Variants in WIPF3 observed in about 807,000 individuals in gnomAD.
WIPF3 encodes the protein WAS/WASL interacting protein family member 3.
In WIPF3, 33 loss-of-function variants were observed where a neutral mutation model predicts 38.9. That is an observed-to-expected ratio of 0.85 (90% CI 0.64 to 1.14). The LOEUF is 1.14. Ranked by LOEUF, WIPF3 falls within the 50% of genes most tolerant of loss-of-function variation. The pLI is 0.00. For synonymous variants in WIPF3, 324 were observed against 269.3 expected, an observed-to-expected ratio of 1.20 and a Z score of -1.99; for missense variants, 711 against 652.5, an observed-to-expected ratio of 1.09 and a Z score of -0.98.
intron 2 of WIPF3, among the ~76,000 whole-genome samples, chr7:29,875,495 A>G (rs1785571764): frequency 1.3e-5 from 2 of 152,134 alleles, no homozygotes. Flanking sequence ...ACCTGAGAGC[A>G]GGGGCCAGGT....
intron 2 of WIPF3, among the ~76,000 whole-genome samples, chr7:29,856,466 A>G (rs1463923778): frequency 6.6e-6 from 1 of 152,024 alleles, no homozygotes. Flanking sequence ...CATCTCTACA[A>G]AAAATAAAAA....
chr7:29,893,927 A>G (rs1786078969), intron 7 of WIPF3, among the ~76,000 whole-genome samples: 1 of 152,206 alleles, frequency 6.6e-6, no homozygotes, highest in African/African-American at 2.4e-5. Flanking sequence ...CAGAGAATAC[A>G]TATTTGAAGT....
At chr7:29,904,242 G>A (rs372557130) in intron 7 of WIPF3, 44 bp from the exon 8 acceptor site, 2 of 1,592,994 alleles carry the variant, frequency 1.3e-6, no homozygotes, top group Non-Finnish European at 1.7e-6. Context: ...TGCACACCCG[G>A]TCCCTGGGCC....
At chr7:29,857,673 G>C (rs1785207607) in intron 2 of WIPF3, among the ~76,000 whole-genome samples, 1 of 152,064 alleles carries the variant, frequency 6.6e-6, no homozygotes, top group South Asian at 2.1e-4. Flanking sequence ...CTTCTCCCAG[G>C]GATGTTGATG....
chr7:29,884,361 T>TCCCCCCCCCCC lies in WIPF3; in HGVS notation c.870_871insCCCCCCCCCCC (p.Ala291ProfsTer87). On this transcript the variant is annotated frameshift_variant, in exon 5 of 9. Coordinates refer to ENST00000242140, the MANE Select transcript of WIPF3 (RefSeq NM_001080529.3). LOFTEE classifies it high-confidence loss of function. ...GCCCTGCGCAAGATGCGCAGGAGCCTCCCGCCCCGCCGCCCCCGCTCCCCC... is the reference window on the plus strand; with the variant it reads ...GCCCTGCGCAAGATGCGCAGGAGCCTCCCCCCCCCCCCCCGCCCCGCCGCCCCCGCTCCCCC... The TCCCCCCCCCCC allele has an allele frequency of 1.2e-5, 16 of 1,317,838 alleles. No individual in the cohort carries two copies. The highest frequency in any genetic ancestry group is 2.8e-5 in the South Asian group (2 of 72,380). The allele number at this position is 1,317,838 out of a possible 1,614,324, so 81.6% of individuals were successfully genotyped here. A position where few individuals can be genotyped will look rare whatever the true frequency, so the allele number is the denominator to read the frequency against.
chr7:29,810,329 A>T (rs925822471), intron 1 of WIPF3, among the ~76,000 whole-genome samples: 2 of 152,166 alleles, frequency 1.3e-5, no homozygotes, highest in Non-Finnish European at 2.9e-5. Flanking sequence ...CTCTTATTGC[A>T]CCTGAGCTCC....
chr7:29,848,892 T>C (rs1023306315), intron 2 of WIPF3, among the ~76,000 whole-genome samples: 1 of 152,110 alleles, frequency 6.6e-6, no homozygotes, highest in African/African-American at 2.4e-5. Context: ...TCACGTATGC[T>C]AACAATTTTT....
chr7:29,879,279 A>G, intron 4 of WIPF3, 139 bp downstream of exon 4: 1 of 1,059,398 alleles, frequency 9.4e-7, no homozygotes, highest in Middle Eastern at 3.2e-4. Context: ...TGTTCTTGGG[A>G]CCTTAAGCAC....
At chr7:29,909,554 T>C (rs1786464712) in intron 8 of WIPF3, among the ~76,000 whole-genome samples, 1 of 152,064 alleles carries the variant, frequency 6.6e-6, no homozygotes, top group Non-Finnish European at 1.5e-5. Context: ...CTAGATGAAA[T>C]GGACACATTT....
intron 2 of WIPF3, among the ~76,000 whole-genome samples, chr7:29,839,731 A>G (rs895849826): frequency 8.5e-5 from 13 of 152,206 alleles, no homozygotes; most frequent in African/African-American, 2.9e-4. Context: ...AAAGAAAAGT[A>G]ATATTTTGTG....
chr7:29,879,133 T>C lies in WIPF3; in HGVS notation c.348T>C (p.Asp116=), dbSNP rs2128074322. The change falls in exon 4 of 9, where the codon GAT becomes GAC. Residue 116 remains aspartate (D), a synonymous_variant. Coordinates refer to ENST00000242140, the MANE Select transcript of WIPF3 (RefSeq NM_001080529.3). ...FPVLRPAGQR[D]VAGGKTGQGP... is the part of the protein sequence containing the mutation. ...TATTGCGACCAGCAGGCCAGCGGGA[T>C]GTAGCAGGTAAGGAAGAATTCATTC... 1 of 1,611,140 alleles carries C rather than the reference T, an allele frequency of 6.2e-7. No homozygotes were observed. The highest frequency in any genetic ancestry group is 2.2e-5 in the East Asian group (1 of 44,832).
intron 2 of WIPF3, among the ~76,000 whole-genome samples, chr7:29,867,930 T>G (rs1261188277): frequency 6.6e-6 from 1 of 152,170 alleles, no homozygotes; most frequent in Non-Finnish European, 1.5e-5. Context: ...GATAGGTTGC[T>G]CACAGTTTTT....
At chr7:29,860,693 T>C (rs1785260118) in intron 2 of WIPF3, among the ~76,000 whole-genome samples, 1 of 152,176 alleles carries the variant, frequency 6.6e-6, no homozygotes, top group Non-Finnish European at 1.5e-5. Context: ...GAGCCATAGT[T>C]CAAATGGTAT....
chr7:29,904,562 G>A, intron 8 of WIPF3, 200 bp downstream of exon 8: 1 of 552,156 alleles, frequency 1.8e-6, no homozygotes, highest in South Asian at 2.3e-5. Context: ...TGACAAAAGG[G>A]GGCTTCCCTG....
chr7:29,890,525 T>C (rs140989100), intron 7 of WIPF3, among the ~76,000 whole-genome samples: 19 of 152,330 alleles, frequency 1.2e-4, no homozygotes, highest in Non-Finnish European at 2.1e-4. Flanking sequence ...TCCAGACCTC[T>C]GTGGACCCAG....
At chr7:29,874,391 T>A (rs1785550322) in intron 2 of WIPF3, among the ~76,000 whole-genome samples, 1 of 152,006 alleles carries the variant, frequency 6.6e-6, no homozygotes, top group African/African-American at 2.4e-5. Flanking sequence ...CAAATGGAAA[T>A]TTTCCACAAT....
At chr7:29,859,927 G>A (rs1327660343) in intron 2 of WIPF3, among the ~76,000 whole-genome samples, 1 of 152,194 alleles carries the variant, frequency 6.6e-6, no homozygotes, top group Non-Finnish European at 1.5e-5. Flanking sequence ...GGAGAAGGCT[G>A]TGTCAGGTAG....
chr7:29,824,211 G>A (rs1334790550), intron 1 of WIPF3, among the ~76,000 whole-genome samples: 2 of 152,160 alleles, frequency 1.3e-5, no homozygotes, highest in Non-Finnish European at 2.9e-5. Flanking sequence ...CGGATGCTGA[G>A]GCATGAGAAT....
intron 8 of WIPF3, among the ~76,000 whole-genome samples, chr7:29,914,248 TA>T (rs1242000365): frequency 1.3e-5 from 2 of 152,318 alleles, no homozygotes; most frequent in East Asian, 3.9e-4. Context: ...ATTGGTTCTA[TA>T]AATGTTTATA....
Sources: allele counts gnomAD v4.1 joint callset (sites outside exome capture counted in the v4.1 genomes callset), GRCh38; gene constraint gnomAD v4.1.1; transcripts MANE v1.5; gene names NCBI Gene and HGNC (gene_info 2026-07-23, HGNC 2026-07-21).